The following CACNA2D3 variants were observed in gnomAD, a reference collection of about 807,000 sequenced individuals.
CACNA2D3 encodes calcium voltage-gated channel auxiliary subunit alpha2delta 3, also known as voltage-dependent calcium channel subunit alpha-2/delta-3.
A neutral mutation model predicts 160.6 loss-of-function variants in CACNA2D3; 60 were observed. That is an observed-to-expected ratio of 0.37 (90% CI 0.30 to 0.46). The LOEUF is 0.46. CACNA2D3 is among the 20% of genes least tolerant of loss of function. The pLI, the probability that CACNA2D3 is intolerant of heterozygous loss-of-function variation, is 1.00. For missense variants in CACNA2D3, 1,205 were observed against 1,365.0 expected, an observed-to-expected ratio of 0.88 and a Z score of 1.85; for synonymous variants, 558 against 492.9, an observed-to-expected ratio of 1.13 and a Z score of -1.75.
chr3:54,260,802 C>T (rs1001442548), intron 2 of CACNA2D3, among the ~76,000 whole-genome samples: 16 of 152,276 alleles, frequency 1.1e-4, no homozygotes, highest in Admixed American at 2.0e-4. Context: ...TCTTTCCCCA[C>T]TTCTTTGCAC....
intron 13 of CACNA2D3, among the ~76,000 whole-genome samples, chr3:54,806,366 A>C (rs1427992958): frequency 1.3e-5 from 2 of 152,230 alleles, no homozygotes; most frequent in Non-Finnish European, 2.9e-5. Context: ...CTCAGGATAC[A>C]AAATCAATGT....
chr3:54,238,489 C>T (rs1158331601), intron 2 of CACNA2D3, among the ~76,000 whole-genome samples: 2 of 152,192 alleles, frequency 1.3e-5, no homozygotes, highest in Non-Finnish European at 2.9e-5. Flanking sequence ...GATTAATGCA[C>T]TTGCTAAGGT....
intron 11 of CACNA2D3, among the ~76,000 whole-genome samples, chr3:54,741,601 TAA>T (rs59474469): frequency 2.8e-4 from 42 of 148,132 alleles, no homozygotes; most frequent in African/African-American, 3.7e-4. Flanking sequence ...ATAAGAAAAA[TAA>T]AAAAAAAAAA....
At chr3:54,972,555 G>A (rs1702298622) in intron 29 of CACNA2D3, among the ~76,000 whole-genome samples, 1 of 148,430 alleles carries the variant, frequency 6.7e-6, no homozygotes, top group East Asian at 2.0e-4. Flanking sequence ...AAGTTCAGTG[G>A]TCTGACTTCT....
intron 13 of CACNA2D3, among the ~76,000 whole-genome samples, chr3:54,804,466 A>T (rs1310040100): frequency 6.6e-6 from 1 of 152,218 alleles, no homozygotes; most frequent in Non-Finnish European, 1.5e-5. Context: ...GGCCATACAT[A>T]ATGGTAAAGG....
intron 2 of CACNA2D3, among the ~76,000 whole-genome samples, chr3:54,240,627 A>C (rs1055357410): frequency 6.6e-6 from 1 of 152,228 alleles, no homozygotes; most frequent in Non-Finnish European, 1.5e-5. Context: ...TTTATGGTTC[A>C]TGATGTGATT....
chr3:54,961,983 G>A (rs1702039535), intron 27 of CACNA2D3, among the ~76,000 whole-genome samples: 1 of 152,008 alleles, frequency 6.6e-6, no homozygotes, highest in African/African-American at 2.4e-5. Context: ...CATCGTGAGG[G>A]GACTGAGCGT....
chr3:54,441,196 G>T (rs564221892), intron 4 of CACNA2D3, among the ~76,000 whole-genome samples: 1 of 152,142 alleles, frequency 6.6e-6, no homozygotes, highest in Admixed American at 6.5e-5. Flanking sequence ...GTGTGAGATG[G>T]TATCTCATTG....
At chr3:54,222,316 G>A (rs1701589680) in intron 2 of CACNA2D3, among the ~76,000 whole-genome samples, 1 of 152,200 alleles carries the variant, frequency 6.6e-6, no homozygotes, top group Non-Finnish European at 1.5e-5. Context: ...TAGTAGGCTT[G>A]AGACCCAGGA....
intron 17 of CACNA2D3, among the ~76,000 whole-genome samples, chr3:54,858,269 C>T (rs1326083421): frequency 6.6e-6 from 1 of 152,140 alleles, no homozygotes; most frequent in Non-Finnish European, 1.5e-5. Context: ...GACCCTAGCC[C>T]TATTGCAAGG....
intron 17 of CACNA2D3, among the ~76,000 whole-genome samples, chr3:54,847,565 C>G (rs1575509189): frequency 1.3e-5 from 2 of 152,188 alleles, no homozygotes; most frequent in African/African-American, 4.8e-5. Flanking sequence ...CAACTTTGCT[C>G]TAATCGCCCT....
chr3:54,481,094 A>G (rs1371669900), intron 4 of CACNA2D3, among the ~76,000 whole-genome samples: 2 of 152,064 alleles, frequency 1.3e-5, no homozygotes, highest in Admixed American at 6.6e-5. Flanking sequence ...ATCCATGGAG[A>G]TGGACTGACT....
chr3:54,562,523 A>G (rs1702342745), intron 5 of CACNA2D3, among the ~76,000 whole-genome samples: 1 of 152,134 alleles, frequency 6.6e-6, no homozygotes, highest in African/African-American at 2.4e-5. Flanking sequence ...TCTCTATGGG[A>G]TATGTGATAT....
chr3:54,693,272 C>T (rs376029981), intron 11 of CACNA2D3, among the ~76,000 whole-genome samples: 4 of 152,268 alleles, frequency 2.6e-5, no homozygotes, highest in African/African-American at 9.6e-5. Context: ...TAACGATGTT[C>T]CAATCAACAA....
intron 11 of CACNA2D3, among the ~76,000 whole-genome samples, chr3:54,704,960 T>C (rs548605344): frequency 2.2e-4 from 34 of 152,204 alleles, no homozygotes; most frequent in Non-Finnish European, 4.6e-4. Flanking sequence ...TAATGGACTT[T>C]CCTGGGGGGC....
At chr3:54,743,399 C>T (rs1701690901) in intron 11 of CACNA2D3, among the ~76,000 whole-genome samples, 1 of 152,100 alleles carries the variant, frequency 6.6e-6, no homozygotes, top group African/African-American at 2.4e-5. Context: ...GAGAGGTGGA[C>T]TGAAAGTCTA....
intron 11 of CACNA2D3, among the ~76,000 whole-genome samples, chr3:54,662,041 G>T (rs1432574355): frequency 6.6e-6 from 1 of 152,050 alleles, no homozygotes; most frequent in Non-Finnish European, 1.5e-5. Context: ...GGGTTTCTCT[G>T]TATTAACTCT....
chr3:54,642,752 A>G (rs1318869089), intron 11 of CACNA2D3, among the ~76,000 whole-genome samples: 3 of 152,064 alleles, frequency 2.0e-5, no homozygotes, highest in South Asian at 4.2e-4. Flanking sequence ...TTTGCTTTCC[A>G]CGTTGACAGT....
At chr3:54,752,350 A>T (rs142561688) in intron 11 of CACNA2D3, among the ~76,000 whole-genome samples, 1 of 152,114 alleles carries the variant, frequency 6.6e-6, no homozygotes, top group Non-Finnish European at 1.5e-5. Flanking sequence ...ATTCCCAGTT[A>T]TTCTCTTCTG....
Sources: allele counts gnomAD v4.1 joint callset (sites outside exome capture counted in the v4.1 genomes callset), GRCh38; gene constraint gnomAD v4.1.1; transcripts MANE v1.5; gene names NCBI Gene and HGNC (gene_info 2026-07-23, HGNC 2026-07-21).